Variants in ANK3 observed in about 807,000 individuals in gnomAD.
ANK3 encodes the protein ankyrin-3.
In ANK3, 57 loss-of-function variants were observed where a neutral mutation model predicts 370.9. That is an observed-to-expected ratio of 0.15 (90% CI 0.12 to 0.19). ANK3 has a LOEUF of 0.19. Ranked by LOEUF, ANK3 falls within the 10% of genes least tolerant of loss-of-function variation. The probability of loss-of-function intolerance (pLI) is 1.00; values close to 1 mark genes in which losing one functional copy is unlikely to be tolerated. For synonymous variants in ANK3, 1,929 were observed against 1,946.3 expected, an observed-to-expected ratio of 0.99 and a Z score of 0.23; for missense variants, 4,439 against 5,302.1, an observed-to-expected ratio of 0.84 and a Z score of 5.06.
intron 2 of ANK3, among the ~76,000 whole-genome samples, chr10:60,576,434 A>AT (rs543418502): frequency 1.3e-5 from 2 of 152,278 alleles, no homozygotes; most frequent in African/African-American, 4.8e-5. Context: ...TAGGAAGCAA[A>AT]TTTTTTTAAG....
At chr10:60,244,408 G>T (rs1312516793) in intron 7 of ANK3, among the ~76,000 whole-genome samples, 2 of 152,038 alleles carry the variant, frequency 1.3e-5, no homozygotes, top group African/African-American at 2.4e-5. Context: ...CTTTTAGTTT[G>T]GTTCCTTGAC....
chr10:60,260,060 A>G (rs1209352408), intron 7 of ANK3, among the ~76,000 whole-genome samples: 2 of 152,218 alleles, frequency 1.3e-5, no homozygotes, highest in East Asian at 3.8e-4. Flanking sequence ...AGGATAGGAA[A>G]TAGCTTTTCT....
intron 2 of ANK3, among the ~76,000 whole-genome samples, chr10:60,552,538 G>A (rs2077111042): frequency 6.6e-6 from 1 of 152,194 alleles, no homozygotes; most frequent in Non-Finnish European, 1.5e-5. Context: ...GCACTTTAGT[G>A]AAGATTTACT....
intron 1 of ANK3, among the ~76,000 whole-genome samples, chr10:60,353,820 C>T (rs1025001330): frequency 6.6e-6 from 1 of 152,198 alleles, no homozygotes; most frequent in Non-Finnish European, 1.5e-5. Flanking sequence ...CCCCACTAAC[C>T]TTTGACTCAA....
intron 1 of ANK3, among the ~76,000 whole-genome samples, chr10:60,687,617 T>A (rs1029101139): frequency 6.6e-6 from 1 of 152,024 alleles, no homozygotes; most frequent in Non-Finnish European, 1.5e-5. Context: ...TTGGTCACGA[T>A]ATAAAATAGC....
chr10:60,071,131 G>C lies in ANK3; in HGVS notation c.9750C>G (p.Ala3250=). The C allele has an allele frequency of 6.2e-7, 1 of 1,614,088 alleles. No individual in the cohort carries two copies. The highest frequency in any genetic ancestry group is 8.5e-7 in the Non-Finnish European group (1 of 1,179,998). ...SNQRPKNNRV[A]YIEFPPPPPL... The stretch of plus-strand genomic sequence containing the variant: ...GTGGAGGAGGGGGAAATTCAATATA[G>C]GCAACTCTGTTATTTTTGGGTCTTT... The change falls in exon 37 of 44, where the codon GCC becomes GCG. Residue 3250 remains alanine (A), a synonymous_variant. Coordinates refer to ENST00000280772, the MANE Select transcript of ANK3 (RefSeq NM_020987.5).
At chr10:60,325,543 C>T (rs1231344510) in intron 1 of ANK3, among the ~76,000 whole-genome samples, 1 of 152,190 alleles carries the variant, frequency 6.6e-6, no homozygotes, top group Non-Finnish European at 1.5e-5. Context: ...TCATGCTCCC[C>T]ATTCCTGACA....
chr10:60,686,914 G>A (rs1415353981), intron 1 of ANK3, among the ~76,000 whole-genome samples: 2 of 152,102 alleles, frequency 1.3e-5, no homozygotes, highest in East Asian at 3.9e-4. Context: ...GTGAATGATT[G>A]ACCACAAATA....
At chr10:60,699,156 A>T (rs191362613) in intron 1 of ANK3, among the ~76,000 whole-genome samples, 6,075 of 151,896 alleles carry the variant, frequency 0.04, 157 homozygotes, top group Middle Eastern at 0.071. Flanking sequence ...GAGGGGTAGA[A>T]GACTACAAAA....
At chr10:60,393,963 A>G (rs2063164232), upstream of ANK3, among the ~76,000 whole-genome samples, 2 of 151,890 alleles carry the variant, frequency 1.3e-5, no homozygotes, top group South Asian at 4.2e-4. Context: ...CAGGGCTGCC[A>G]GGGAGGGTGT....
intron 1 of ANK3, among the ~76,000 whole-genome samples, chr10:60,698,926 A>T (rs1334335518): frequency 7.5e-6 from 1 of 133,828 alleles, no homozygotes; most frequent in East Asian, 2.0e-4. Flanking sequence ...ATAATAAAGA[A>T]AAATAAATAA....
At position 60,145,948 on chromosome 10, in the gene ANK3, C is replaced by T. The variant is rs1160695378; in HGVS notation, c.2615-6861G>A. 6.6e-6 allele frequency: 5 copies of T among 756,964 alleles called. No individual in the cohort carries two copies. In the South Asian group the frequency reaches 7.3e-5, roughly 11 times the overall value. The allele number at this position is 756,964 out of a possible 1,614,324, so 46.9% of individuals were successfully genotyped here. A position where few individuals can be genotyped will look rare whatever the true frequency, so the allele number is the denominator to read the frequency against. ...AAAATGGGAACTATATTTACTGGGG[C>T]AAAGAGGAGGGAGACTTACTTTTCA... On this transcript the variant is annotated intron_variant, in intron 23 of 43. Coordinates refer to ENST00000280772, the MANE Select transcript of ANK3 (RefSeq NM_020987.5).
chr10:60,525,898 G>T (rs1269442571), intron 2 of ANK3, among the ~76,000 whole-genome samples: 1 of 152,134 alleles, frequency 6.6e-6, no homozygotes, highest in African/African-American at 2.4e-5. Context: ...ATTATTTGCA[G>T]AAAGGGGAGA....
chr10:60,500,501 T>C (rs2075769723), intron 2 of ANK3, among the ~76,000 whole-genome samples: 1 of 152,154 alleles, frequency 6.6e-6, no homozygotes, highest in Non-Finnish European at 1.5e-5. Flanking sequence ...GCAAAGGCTA[T>C]TCAGTTGCTT....
At chr10:60,263,247 T>G (rs2097835086) in intron 6 of ANK3, among the ~76,000 whole-genome samples, 2 of 152,168 alleles carry the variant, frequency 1.3e-5, no homozygotes, top group Admixed American at 1.3e-4. Flanking sequence ...AGCTAAGTAA[T>G]GAGGATGGAA....
At position 60,619,340 on chromosome 10, in the gene ANK3, C is replaced by T. The variant is rs149353343; in HGVS notation, c.58-4116G>A. On this transcript the variant is annotated intron_variant, in intron 1 of 43. Coordinates refer to the ANK3 transcript ENST00000373827. ...CCTAACCCTGCCTCCAATCTAAGTT[C>T]CTCTTCCCAGATCTCATTCTGCCAA... 2.6e-3 allele frequency among the ~76,000 whole-genome samples: 395 copies of T among 152,180 alleles called. 2 individuals are homozygous for T. Among genetic ancestry groups the T allele is most frequent in the African/African-American group, 8.9e-3 (370 of 41,522 alleles).
At chr10:60,553,344 A>T (rs372124624) in intron 2 of ANK3, among the ~76,000 whole-genome samples, 2 of 152,316 alleles carry the variant, frequency 1.3e-5, no homozygotes, top group African/African-American at 4.8e-5. Flanking sequence ...TGTAGGACTT[A>T]AGAATGAGAT....
In ANK3 at chr10:60,470,161, G is replaced by A. The variant is rs149044361; in HGVS notation, c.96+145025C>T. On this transcript the variant is annotated intron_variant, in intron 2 of 43. Coordinates refer to the ANK3 transcript ENST00000373827. ...GTCGAATCAGAAAAATCACAGAAATGGTGGGATATGAAGCATTTGAGCATT... is the reference window on the plus strand; with the variant it reads ...GTCGAATCAGAAAAATCACAGAAATAGTGGGATATGAAGCATTTGAGCATT... Among the ~76,000 whole-genome samples, 338 of 152,174 alleles carry A rather than the reference G, an allele frequency of 2.2e-3. 1 individual carries two copies. The highest frequency in any genetic ancestry group is 3.9e-3 in the Non-Finnish European group (265 of 68,012).
intron 42 of ANK3, chr10:60,050,872 TC>T (rs2077826302): frequency 1.3e-5 from 2 of 152,186 alleles, no homozygotes; most frequent in Non-Finnish European, 2.9e-5. Context: ...TTGATTTTTT[TC>T]TTGTGTGTTA....
Sources: allele counts gnomAD v4.1 joint callset (sites outside exome capture counted in the v4.1 genomes callset), GRCh38; gene constraint gnomAD v4.1.1; transcripts MANE v1.5; gene names NCBI Gene and HGNC (gene_info 2026-07-23, HGNC 2026-07-21).